ZDHHC2: variants seen among roughly 807,000 people sequenced by gnomAD.
ZDHHC2 encodes the protein zDHHC palmitoyltransferase 2, also known as palmitoyltransferase ZDHHC2.
In ZDHHC2, 51 loss-of-function variants were observed where a neutral mutation model predicts 55.6. The ratio of observed to expected loss-of-function variants is 0.92; its 90% confidence interval spans 0.73 to 1.16. ZDHHC2 has a LOEUF of 1.16. Among genes scored for constraint, ZDHHC2 ranks in the 50% most tolerant of loss-of-function variants. The pLI, the probability that ZDHHC2 is intolerant of heterozygous loss-of-function variation, is 0.00. For missense variants in ZDHHC2, 491 were observed against 442.4 expected, an observed-to-expected ratio of 1.11 and a Z score of -0.99; for synonymous variants, 199 against 152.9, an observed-to-expected ratio of 1.30 and a Z score of -2.22.
chr8:17,199,697 CCTTCTTCCTTCTTT>C (rs1305205442), intron 6 of ZDHHC2, among the ~76,000 whole-genome samples: 90 of 145,718 alleles, frequency 6.2e-4, no homozygotes, highest in Middle Eastern at 3.6e-3. Context: ...TCTTCTTTCT[CCTTCTTCCTTCTTT>C]CTTCTTCCTT....
At chr8:17,199,502 C>CG (rs1367699525) in intron 6 of ZDHHC2, among the ~76,000 whole-genome samples, 2,065 of 41,166 alleles carry the variant, frequency 0.05, 80 homozygotes, top group Admixed American at 0.2. Flanking sequence ...TCTTCTTCTT[C>CG]TTCTTCTTCT....
chr8:17,184,708 C>G (rs1805620589), intron 1 of ZDHHC2, 81 bp from the exon 2 acceptor site: 13 of 1,155,392 alleles, frequency 1.1e-5, no homozygotes, highest in Non-Finnish European at 1.3e-5. Context: ...CATTATTAAG[C>G]TACTTAAATG....
intron 1 of ZDHHC2, among the ~76,000 whole-genome samples, chr8:17,170,649 A>G (rs1261803512): frequency 6.6e-6 from 1 of 152,190 alleles, no homozygotes; most frequent in Non-Finnish European, 1.5e-5. Context: ...TTTTCTCCTT[A>G]ATAAATCAAA....
intron 3 of ZDHHC2, among the ~76,000 whole-genome samples, chr8:17,189,127 G>GTTTTT (rs33942303): frequency 2.4e-5 from 2 of 83,758 alleles, no homozygotes; most frequent in African/African-American, 9.4e-5. Context: ...GTTTTGTTAT[G>GTTTTT]TTTTTTTTTT....
chr8:17,170,455 G>A (rs1804805266), intron 1 of ZDHHC2, among the ~76,000 whole-genome samples: 1 of 152,170 alleles, frequency 6.6e-6, no homozygotes, highest in Non-Finnish European at 1.5e-5. Context: ...TTTCTCTGGA[G>A]AGTTGTAAAG....
At position 17,221,848 on chromosome 8, in the gene ZDHHC2, C is replaced by T. The variant is rs925984649; in HGVS notation, c.*1627C>T. On this transcript the variant is annotated 3_prime_UTR_variant, in exon 13 of 13. Coordinates refer to ENST00000262096, the MANE Select transcript of ZDHHC2 (RefSeq NM_016353.5). ...GAAAATATGATAACATTTTAACTTT[C>T]ATTTTAGAGCACGTTTTGGTCATTT... 3 of 152,322 alleles carry T rather than the reference C, an allele frequency of 2.0e-5. No homozygotes were observed. Among genetic ancestry groups the T allele is most frequent in the African/African-American group, 4.8e-5 (2 of 41,406 alleles). The allele number at this position is 152,322 out of a possible 1,614,324, so 9.4% of individuals were successfully genotyped here.
intron 6 of ZDHHC2, among the ~76,000 whole-genome samples, chr8:17,199,526 C>CGTCTTCGTCTTCGTCTTCT (rs1806552671): frequency 2.8e-5 from 1 of 35,294 alleles, no homozygotes; most frequent in African/African-American, 6.3e-5. Context: ...TCTTCGTCTT[C>CGTCTTCGTCTTCGTCTTCT]GTCTTCTGTC....
Position 17,208,013 on chromosome 8 carries a change from T to C in ZDHHC2, c.651T>C (p.Ala217=), listed in dbSNP as rs200626283. ...TCCATATTATGTTTTTATTCTTTGCTGCAGCTATGTTTTCTGTCAGCTTGT... is the reference window on the plus strand; with the variant it reads ...TCCATATTATGTTTTTATTCTTTGCCGCAGCTATGTTTTCTGTCAGCTTGT... The part of the protein sequence containing the change: ...AKFHIMFLFF[A]AAMFSVSLSS... The change falls in exon 8 of 13, where the codon GCT becomes GCC. Residue 217 remains alanine (A), a synonymous_variant. Coordinates refer to ENST00000262096, the MANE Select transcript of ZDHHC2 (RefSeq NM_016353.5). 1.8e-4 allele frequency: 295 copies of C among 1,597,054 alleles called. 1 individual carries two copies. The African/African-American group carries it at 2.6e-3, about 14-fold the overall frequency.
intron 12 of ZDHHC2, among the ~76,000 whole-genome samples, chr8:17,218,110 TG>T (rs1807731323): frequency 6.6e-6 from 1 of 152,226 alleles, no homozygotes; most frequent in Non-Finnish European, 1.5e-5. Context: ...AATGCTGACC[TG>T]GCAATTTGCC....
At chr8:17,202,468 C>G (rs1806839180) in intron 6 of ZDHHC2, among the ~76,000 whole-genome samples, 1 of 152,066 alleles carries the variant, frequency 6.6e-6, no homozygotes, top group Non-Finnish European at 1.5e-5. Flanking sequence ...AAAGCAATTG[C>G]CCAGAAACAG....
intron 7 of ZDHHC2, among the ~76,000 whole-genome samples, chr8:17,206,609 A>G (rs528593102): frequency 1.1e-4 from 16 of 152,336 alleles, no homozygotes; most frequent in African/African-American, 3.6e-4. Context: ...TATCATGCCT[A>G]TAATGTCCTT....
chr8:17,211,939 G>T (rs1425390071), intron 10 of ZDHHC2, among the ~76,000 whole-genome samples: 1 of 151,940 alleles, frequency 6.6e-6, no homozygotes, highest in African/African-American at 2.4e-5. Context: ...TTCAGTAGTA[G>T]TTTATAATAC....
chr8:17,182,912 C>G (rs1805510856), intron 1 of ZDHHC2, among the ~76,000 whole-genome samples: 1 of 152,160 alleles, frequency 6.6e-6, no homozygotes, highest in African/African-American at 2.4e-5. Flanking sequence ...AGGCGCGTGT[C>G]ACCACACCTG....
rs1198050847 is a variant in ZDHHC2, at chr8:17,219,264, A to AAAAAC, written c.*35-988_*35-987insCAAAA. Among the ~76,000 whole-genome samples the AAAAAC allele has an allele frequency of 9.3e-5, 14 of 150,708 alleles. No homozygotes were observed. The South Asian group carries it at 2.7e-3, about 29-fold the overall frequency. On this transcript the variant is annotated intron_variant, in intron 12 of 12. Transcript: ENST00000262096. ...CAGAGCAAGACTCTAAAAAAAAAAA[A>AAAAAC]AAAAAAAAAAAAAACAGAAAAAAAA... is the stretch of plus-strand genomic sequence containing the variant.
intron 8 of ZDHHC2, among the ~76,000 whole-genome samples, chr8:17,208,586 G>A (rs774429327): frequency 6.6e-6 from 1 of 152,052 alleles, no homozygotes; most frequent in African/African-American, 2.4e-5. Flanking sequence ...GACACTCCAA[G>A]CTGTGAGCTT....
chr8:17,169,576 G>A (rs951512398), intron 1 of ZDHHC2, among the ~76,000 whole-genome samples: 9 of 152,290 alleles, frequency 5.9e-5, no homozygotes, highest in African/African-American at 1.4e-4. Flanking sequence ...GAAGTATGCC[G>A]TGAATGCATC....
At chr8:17,162,434 A>G (rs975254987) in intron 1 of ZDHHC2, among the ~76,000 whole-genome samples, 2 of 152,210 alleles carry the variant, frequency 1.3e-5, no homozygotes, top group African/African-American at 4.8e-5. Flanking sequence ...CCATGCCATT[A>G]AATTGGTACT....
chr8:17,215,216 G>T, intron 10 of ZDHHC2, 21 bp from the exon 11 acceptor site: 1 of 1,544,070 alleles, frequency 6.5e-7, no homozygotes, highest in Non-Finnish European at 8.8e-7. Context: ...TGATTTTGAT[G>T]ATTATTCAAT....
At position 17,195,495 on chromosome 8, in the gene ZDHHC2, A is replaced by G; in HGVS notation, c.253-9A>G. On this transcript the variant is annotated splice_polypyrimidine_tract_variant and intron_variant, in intron 3 of 12. Transcript: ENST00000262096. ...AAAATACTGATTAAGATTTAAATGT[A>G]TTCCACAGTTCCATCTCTCTTATGC... The G allele has an allele frequency of 6.2e-7, 1 of 1,609,784 alleles. No individual in the cohort carries two copies. Among genetic ancestry groups the G allele is most frequent in the Non-Finnish European group, 8.5e-7 (1 of 1,177,606 alleles).
Sources: gnomAD v4.1 joint callset for allele counts (sites outside exome capture counted in the v4.1 genomes callset) on GRCh38, gnomAD v4.1.1 for gene constraint, MANE v1.5 for transcripts, NCBI Gene and HGNC (gene_info 2026-07-23, HGNC 2026-07-21) for gene names.